Variants in ASIC2 observed in about 807,000 individuals in gnomAD.
ASIC2 encodes acid sensing ion channel subunit 2.
ASIC2 carries 25 observed loss-of-function variants against 57.3 expected under a neutral mutation model. The observed-to-expected ratio is 0.44, with a 90% CI of 0.32 to 0.61. The LOEUF (loss-of-function observed/expected upper bound fraction) is 0.61. Among genes scored for constraint, ASIC2 ranks in the 20% least tolerant of loss-of-function variants. The probability of loss-of-function intolerance (pLI) is 0.06; values close to 1 mark genes in which losing one functional copy is unlikely to be tolerated. For synonymous variants in ASIC2, 319 were observed against 307.5 expected (o/e 1.04, Z -0.39); for missense variants, 641 against 738.1 (o/e 0.87, Z 1.52).
chr17:34,022,744 T>C (rs1217485847), intron 1 of ASIC2, among the ~76,000 whole-genome samples: 1 of 152,164 alleles, frequency 6.6e-6, no homozygotes, highest in Non-Finnish European at 1.5e-5. Context: ...TAATAAGCCA[T>C]AGCAACCCTT....
intron 1 of ASIC2, among the ~76,000 whole-genome samples, chr17:34,093,928 C>A (rs1220923261): frequency 1.3e-5 from 2 of 152,108 alleles, no homozygotes; most frequent in Non-Finnish European, 2.9e-5. Context: ...TGGCGAACCC[C>A]TGGAGCCCTT....
chr17:33,194,473 G>C (rs950374417), intron 1 of ASIC2, among the ~76,000 whole-genome samples: 1 of 152,254 alleles, frequency 6.6e-6, no homozygotes, highest in Non-Finnish European at 1.5e-5. Flanking sequence ...TGATGATGAT[G>C]ATCATGGAGG....
intron 1 of ASIC2, among the ~76,000 whole-genome samples, chr17:33,460,876 C>G (rs999025443): frequency 1.4e-4 from 21 of 152,224 alleles, no homozygotes; most frequent in Admixed American, 1.2e-3. Context: ...TCCTGTGCAA[C>G]TGTAGTATTC....
At chr17:33,723,572 T>C (rs1202580247) in intron 1 of ASIC2, among the ~76,000 whole-genome samples, 1 of 152,220 alleles carries the variant, frequency 6.6e-6, no homozygotes, top group African/African-American at 2.4e-5. Flanking sequence ...CAAGTGATTT[T>C]CCTGCCTCGG....
intron 1 of ASIC2, among the ~76,000 whole-genome samples, chr17:34,141,076 A>G (rs1330550630): frequency 6.6e-6 from 1 of 152,200 alleles, no homozygotes; most frequent in African/African-American, 2.4e-5. Flanking sequence ...TCCAGCCAAA[A>G]AATCATATCT....
intron 1 of ASIC2, among the ~76,000 whole-genome samples, chr17:33,613,603 G>A (rs8065048): frequency 0.01 from 1,568 of 152,148 alleles, 36 homozygotes; most frequent in African/African-American, 0.035. Flanking sequence ...TCCTGACCTT[G>A]TGATCAGCCC....
At chr17:33,230,572 A>T (rs1908051812) in intron 1 of ASIC2, among the ~76,000 whole-genome samples, 1 of 152,180 alleles carries the variant, frequency 6.6e-6, no homozygotes. Context: ...CAGCTTGGGT[A>T]TGTGGAAGAA....
At chr17:33,957,153 A>G (rs1160740380) in intron 1 of ASIC2, among the ~76,000 whole-genome samples, 2 of 152,178 alleles carry the variant, frequency 1.3e-5, no homozygotes, top group Admixed American at 6.5e-5. Context: ...GCCCCCACTC[A>G]TACACCTACC....
Position 34,051,891 on chromosome 17 carries a change from C to T in ASIC2, c.555+104087G>A, listed in dbSNP as rs1002603955. ...GAGAGAGAGCGAGAGAGCGAGAGAGCGAGAGAGTGAGTTTTTTCCTTCTGG... is the reference window on the plus strand; with the variant it reads ...GAGAGAGAGCGAGAGAGCGAGAGAGTGAGAGAGTGAGTTTTTTCCTTCTGG... On this transcript the variant is annotated intron_variant, in intron 1 of 9. Coordinates refer to the ASIC2 transcript ENST00000359872. Among the ~76,000 whole-genome samples, 33 of 127,020 alleles carry T rather than the reference C, an allele frequency of 2.6e-4. No homozygotes were observed. In the South Asian group the frequency reaches 7.5e-3, roughly 29 times the overall value. 83.3% of individuals were successfully genotyped at this position (127,020 alleles called of 152,430 possible). A position where few individuals can be genotyped will look rare whatever the true frequency, so the allele number is the denominator to read the frequency against.
chr17:33,953,846 G>A (rs900612026), intron 1 of ASIC2, among the ~76,000 whole-genome samples: 6 of 152,124 alleles, frequency 3.9e-5, no homozygotes, highest in Non-Finnish European at 8.8e-5. Flanking sequence ...TATATTAAGA[G>A]GAAGGATCAA....
chr17:34,038,293 T>G (rs1219021566), intron 1 of ASIC2: 128 of 1,610,180 alleles, frequency 7.9e-5, no homozygotes, highest in Non-Finnish European at 1.1e-4. Flanking sequence ...CCAGATCATT[T>G]CCCTCACAGT....
chr17:33,549,753 G>T (rs575146479), intron 1 of ASIC2, among the ~76,000 whole-genome samples: 74 of 152,296 alleles, frequency 4.9e-4, no homozygotes, highest in African/African-American at 1.7e-3. Flanking sequence ...GATAGACCAG[G>T]TTTTAAATCT....
chr17:33,017,261 C>T (rs1332711497), intron 8 of ASIC2, among the ~76,000 whole-genome samples: 1 of 152,196 alleles, frequency 6.6e-6, no homozygotes, highest in Admixed American at 6.5e-5. Context: ...AAGCCACCAC[C>T]TCCAGCCCAG....
chr17:33,329,183 T>G (rs1384477511), intron 1 of ASIC2, among the ~76,000 whole-genome samples: 4 of 152,170 alleles, frequency 2.6e-5, no homozygotes, highest in Non-Finnish European at 5.9e-5. Flanking sequence ...TTATTGATTG[T>G]GTGATGGTGG....
At chr17:33,446,440 C>T (rs546638181) in intron 1 of ASIC2, among the ~76,000 whole-genome samples, 1 of 152,218 alleles carries the variant, frequency 6.6e-6, no homozygotes, top group African/African-American at 2.4e-5. Context: ...AGGCCATTAG[C>T]TAAATTTGAG....
At chr17:33,698,101 A>C (rs1219205309) in intron 1 of ASIC2, among the ~76,000 whole-genome samples, 1 of 152,238 alleles carries the variant, frequency 6.6e-6, no homozygotes, top group Admixed American at 6.5e-5. Flanking sequence ...CTTTGTTTTC[A>C]GAGGGATTTT....
At chr17:33,634,367 C>G (rs9889413) in intron 1 of ASIC2, among the ~76,000 whole-genome samples, 45,475 of 152,130 alleles carry the variant, frequency 0.3, 6,957 homozygotes, top group East Asian at 0.42. Flanking sequence ...GTTTCTGGCC[C>G]TATCCCAAGG....
chr17:33,315,594 T>C (rs1464967544), intron 1 of ASIC2, among the ~76,000 whole-genome samples: 1 of 152,232 alleles, frequency 6.6e-6, no homozygotes, highest in African/African-American at 2.4e-5. Context: ...GGTTAAATGA[T>C]TCTCATTATC....
At chr17:33,730,561 T>A (rs1909711342) in intron 1 of ASIC2, among the ~76,000 whole-genome samples, 1 of 152,226 alleles carries the variant, frequency 6.6e-6, no homozygotes, top group Admixed American at 6.5e-5. Flanking sequence ...ACTACTTGAA[T>A]ATAAATGAAC....
Sources: allele counts gnomAD v4.1 joint callset (sites outside exome capture counted in the v4.1 genomes callset), GRCh38; gene constraint gnomAD v4.1.1; transcripts MANE v1.5; gene names NCBI Gene and HGNC (gene_info 2026-07-23, HGNC 2026-07-21).